The following PSD3 variants were observed in gnomAD, a reference collection of about 807,000 sequenced individuals.
PSD3 encodes pleckstrin and Sec7 domain containing 3, also known as PH and SEC7 domain-containing protein 3.
A neutral mutation model predicts 105.5 loss-of-function variants in PSD3; 49 were observed. The observed-to-expected ratio is 0.46, with a 90% CI of 0.37 to 0.59. PSD3 has a LOEUF of 0.59. PSD3 is among the 20% of genes least tolerant of loss of function. The pLI is 0.00. For synonymous variants in PSD3, 557 were observed against 457.8 expected (o/e 1.22, Z -2.77); for missense variants, 1,561 against 1,263.8 (o/e 1.24, Z -3.57).
intron 4 of PSD3, among the ~76,000 whole-genome samples, chr8:18,834,525 G>A (rs1813937597): frequency 6.6e-6 from 1 of 152,184 alleles, no homozygotes; most frequent in Non-Finnish European, 1.5e-5. Flanking sequence ...TCTCTATGCT[G>A]ACCTCAGCTG....
chr8:18,931,663 G>A (rs1165678934), intron 2 of PSD3, among the ~76,000 whole-genome samples: 2 of 152,094 alleles, frequency 1.3e-5, no homozygotes, highest in African/African-American at 4.8e-5. Flanking sequence ...TTAATGATGG[G>A]CTCTGAACAG....
intron 1 of PSD3, among the ~76,000 whole-genome samples, chr8:18,966,503 G>A (rs1824253571): frequency 6.6e-6 from 1 of 151,492 alleles, no homozygotes; most frequent in Non-Finnish European, 1.5e-5. Context: ...CCTGGGAGGT[G>A]GAGGTTGCAG....
At chr8:18,566,787 T>C (rs773030509) in intron 14 of PSD3, among the ~76,000 whole-genome samples, 3 of 152,236 alleles carry the variant, frequency 2.0e-5, no homozygotes, top group Non-Finnish European at 4.4e-5. Flanking sequence ...ATACTACATA[T>C]GCATGTTTTT....
At chr8:18,911,912 T>A (rs898848865) in intron 2 of PSD3, among the ~76,000 whole-genome samples, 1 of 152,164 alleles carries the variant, frequency 6.6e-6, no homozygotes, top group Non-Finnish European at 1.5e-5. Flanking sequence ...CGTAACTTAA[T>A]ACACACCAAA....
chr8:18,749,948 A>C (rs1805337180), intron 9 of PSD3, among the ~76,000 whole-genome samples: 1 of 152,202 alleles, frequency 6.6e-6, no homozygotes, highest in Non-Finnish European at 1.5e-5. Flanking sequence ...CTCCAGAAAT[A>C]GACACAGTCC....
intron 2 of PSD3, among the ~76,000 whole-genome samples, chr8:18,912,750 TG>T (rs1820314902): frequency 6.6e-6 from 1 of 152,164 alleles, no homozygotes; most frequent in Admixed American, 6.5e-5. Flanking sequence ...CAGTGAACAG[TG>T]ACAGGTGGGA....
chr8:18,568,472 G>C (rs1462112174), intron 14 of PSD3, among the ~76,000 whole-genome samples: 1 of 145,718 alleles, frequency 6.9e-6, no homozygotes, highest in Non-Finnish European at 1.5e-5. Flanking sequence ...AGACAGTGAG[G>C]TGAGACTCCA....
intron 1 of PSD3, among the ~76,000 whole-genome samples, chr8:19,034,878 C>T (rs938104214): frequency 6.6e-6 from 1 of 152,154 alleles, no homozygotes; most frequent in African/African-American, 2.4e-5. Context: ...GTCTCTTCTC[C>T]CTGCCCTCCC....
Position 18,808,870 on chromosome 8 carries a change from C to T in PSD3, c.1635-3972G>A, listed in dbSNP as rs542043412. ...TTCAGCTCCCAAGTTCAGTGACTGC[C>T]GAGCCTCACAGCCTTCCAAGAACCT... is the stretch of plus-strand genomic sequence containing the variant. On this transcript the variant is annotated intron_variant, in intron 4 of 15. Coordinates refer to ENST00000327040, the MANE Select transcript of PSD3 (RefSeq NM_015310.4). The T allele has an allele frequency of 9.4e-6, 15 of 1,597,200 alleles. No homozygotes were observed. The Admixed American group carries it at 1.3e-4, about 13-fold the overall frequency.
chr8:18,606,963 C>G (rs1411150939), intron 11 of PSD3, among the ~76,000 whole-genome samples: 1 of 152,078 alleles, frequency 6.6e-6, no homozygotes, highest in Non-Finnish European at 1.5e-5. Context: ...AGAGTATGCC[C>G]CCAAGGAAGC....
upstream of PSD3, among the ~76,000 whole-genome samples, chr8:19,016,695 T>C (rs900083446): frequency 6.6e-6 from 1 of 152,164 alleles, no homozygotes; most frequent in Non-Finnish European, 1.5e-5. Context: ...GACTAGGTAA[T>C]TAATAAAGAA....
intron 2 of PSD3, among the ~76,000 whole-genome samples, chr8:18,894,054 G>T (rs557081507): frequency 6.6e-6 from 1 of 152,274 alleles, no homozygotes; most frequent in South Asian, 2.1e-4. Context: ...TATATAAATT[G>T]CTTAAAACAG....
At chr8:18,918,865 T>C (rs1319885248) in intron 2 of PSD3, among the ~76,000 whole-genome samples, 2 of 152,064 alleles carry the variant, frequency 1.3e-5, no homozygotes, top group Non-Finnish European at 2.9e-5. Context: ...GTTCCCACCA[T>C]TCAGTCGTCA....
intron 4 of PSD3, among the ~76,000 whole-genome samples, chr8:18,824,389 A>G (rs893832371): frequency 6.6e-6 from 1 of 152,192 alleles, no homozygotes; most frequent in Non-Finnish European, 1.5e-5. Context: ...CAAGCCGACC[A>G]AAGTTCAGGT....
intron 9 of PSD3, among the ~76,000 whole-genome samples, chr8:18,709,118 G>C (rs1225823135): frequency 6.6e-6 from 1 of 152,118 alleles, no homozygotes; most frequent in African/African-American, 2.4e-5. Flanking sequence ...TTGGGGAAAG[G>C]GGTGGCTGCC....
At chr8:19,040,612 A>C (rs187564144) in intron 1 of PSD3, among the ~76,000 whole-genome samples, 3 of 152,316 alleles carry the variant, frequency 2.0e-5, no homozygotes, top group Admixed American at 6.5e-5. Context: ...GTGGAGAATA[A>C]AGCACGGGCG....
At chr8:18,949,244 A>AAAAAAAAAAAATATAT (rs1345423514) in intron 1 of PSD3, among the ~76,000 whole-genome samples, 7 of 14,402 alleles carry the variant, frequency 4.9e-4, no homozygotes, top group Non-Finnish European at 1.1e-3. Context: ...AAAAAAAAAA[A>AAAAAAAAAAAATATAT]ATATATATAT....
At chr8:18,948,896 A>G (rs1366432936) in intron 1 of PSD3, among the ~76,000 whole-genome samples, 5 of 152,158 alleles carry the variant, frequency 3.3e-5, no homozygotes, top group Admixed American at 1.3e-4. Context: ...TTAGTTTGCT[A>G]TATCTCTAGT....
rs200430260 is a variant in PSD3, at chr8:18,842,088, CAA to C, written c.1634+25584_1634+25585del. Reference sequence around the variant, plus strand: ...ATCTTCCCATGTTAACCAGGATTTCCAAAGTCTTGGAATACCAAGAAGCAAAA... The same window carrying C: ...ATCTTCCCATGTTAACCAGGATTTCCAGTCTTGGAATACCAAGAAGCAAAA... On this transcript the variant is annotated intron_variant, in intron 4 of 15. Transcript: ENST00000327040. Among the ~76,000 whole-genome samples, 1,097 of 152,208 alleles carry C rather than the reference CAA, an allele frequency of 7.2e-3. 9 individuals carry two copies. The highest frequency in any genetic ancestry group is 0.02 in the Middle Eastern group (6 of 294).
Sources: allele counts gnomAD v4.1 joint callset (sites outside exome capture counted in the v4.1 genomes callset), GRCh38; gene constraint gnomAD v4.1.1; transcripts MANE v1.5; gene names NCBI Gene and HGNC (gene_info 2026-07-23, HGNC 2026-07-21).